The following TRIO variants were observed in gnomAD, a reference collection of about 807,000 sequenced individuals.
TRIO encodes triple functional domain protein.
A neutral mutation model predicts 351.9 loss-of-function variants in TRIO; 58 were observed. The observed-to-expected ratio is 0.16, with a 90% CI of 0.13 to 0.21. TRIO has a LOEUF of 0.21. TRIO is among the 10% of genes least tolerant of loss of function. The pLI is 1.00. For missense variants in TRIO, 3,201 were observed against 4,027.8 expected, an observed-to-expected ratio of 0.79 and a Z score of 5.56; for synonymous variants, 1,758 against 1,595.7, an observed-to-expected ratio of 1.10 and a Z score of -2.42.
chr5:14,418,991 T>C (rs1195637383), intron 33 of TRIO, among the ~76,000 whole-genome samples: 1 of 152,052 alleles, frequency 6.6e-6, no homozygotes, highest in Non-Finnish European at 1.5e-5. Flanking sequence ...TTAGAGAGTT[T>C]ATGGATGAGC....
At chr5:14,429,134 T>C (rs962289621) in intron 34 of TRIO, among the ~76,000 whole-genome samples, 1 of 152,234 alleles carries the variant, frequency 6.6e-6, no homozygotes, top group Non-Finnish European at 1.5e-5. Flanking sequence ...GCTTGCTGTT[T>C]TTCATTAAGT....
intron 33 of TRIO, among the ~76,000 whole-genome samples, chr5:14,412,825 A>C (rs143410350): frequency 2.4e-4 from 37 of 152,310 alleles, no homozygotes; most frequent in African/African-American, 8.4e-4. Context: ...TAGCATATAC[A>C]ACACACCTAA....
chr5:14,301,443 A>G (rs1737874746), intron 7 of TRIO, among the ~76,000 whole-genome samples: 1 of 152,034 alleles, frequency 6.6e-6, no homozygotes, highest in Non-Finnish European at 1.5e-5. Flanking sequence ...AGCATCAGAT[A>G]CTAAGACAGC....
At chr5:14,364,331 A>G (rs893030639) in intron 14 of TRIO, among the ~76,000 whole-genome samples, 1 of 152,204 alleles carries the variant, frequency 6.6e-6, no homozygotes, top group African/African-American at 2.4e-5. Flanking sequence ...ATTTTACACA[A>G]ATTAAATGCT....
chr5:14,350,027 C>T (rs1742910128), intron 11 of TRIO, among the ~76,000 whole-genome samples: 1 of 152,184 alleles, frequency 6.6e-6, no homozygotes, highest in Admixed American at 6.5e-5. Flanking sequence ...GCCTCCAGCT[C>T]TGTCTATGTT....
chr5:14,280,784 C>T (rs545181615), intron 3 of TRIO, among the ~76,000 whole-genome samples: 5 of 152,272 alleles, frequency 3.3e-5, no homozygotes, highest in Admixed American at 6.5e-5. Context: ...CTGCTTTTGA[C>T]AATGCATTTC....
chr5:14,349,614 C>T (rs1742849716), intron 11 of TRIO, among the ~76,000 whole-genome samples: 1 of 152,180 alleles, frequency 6.6e-6, no homozygotes, highest in Admixed American at 6.5e-5. Context: ...ACAAGATGAG[C>T]CCTTGAAGAA....
intron 8 of TRIO, among the ~76,000 whole-genome samples, chr5:14,305,518 C>T (rs1227674589): frequency 6.6e-6 from 1 of 152,206 alleles, no homozygotes; most frequent in Non-Finnish European, 1.5e-5. Flanking sequence ...AAGATTATCG[C>T]AAGGCTTCTG....
At chr5:14,339,948 A>C (rs1741786870) in intron 11 of TRIO, among the ~76,000 whole-genome samples, 1 of 152,242 alleles carries the variant, frequency 6.6e-6, no homozygotes, top group South Asian at 2.1e-4. Flanking sequence ...CTAGAAGAGG[A>C]AATCATGCTA....
chr5:14,403,349 CTTGTGAGGGTGCAGG>C lies in TRIO; in HGVS notation c.4716+2291_4716+2305del, dbSNP rs1561447681. Reference sequence around the variant, plus strand: ...GGTGTAGGTTGTGGTGAGGGTGCAGCTTGTGAGGGTGCAGGTTGTGGTGAGGGTGTAGGTTGTGAG... The same window carrying C: ...GGTGTAGGTTGTGGTGAGGGTGCAGCTTGTGGTGAGGGTGTAGGTTGTGAG... On this transcript the variant is annotated intron_variant, in intron 31 of 56. Transcript: ENST00000344204. Among the ~76,000 whole-genome samples the C allele has an allele frequency of 9.5e-3, 135 of 14,184 alleles. 10 individuals carry two copies. The highest frequency in any genetic ancestry group is 0.032 in the African/African-American group (48 of 1,522). 9.3% of individuals were successfully genotyped at this position (14,184 alleles called of 152,430 possible).
chr5:14,365,440 C>G (rs1287975152), intron 15 of TRIO, among the ~76,000 whole-genome samples: 1 of 152,100 alleles, frequency 6.6e-6, no homozygotes, highest in African/African-American at 2.4e-5. Context: ...TGCCTCTGGA[C>G]CATGAGCAGG....
intron 1 of TRIO, among the ~76,000 whole-genome samples, chr5:14,231,888 A>G (rs1362842762): frequency 6.7e-6 from 1 of 148,696 alleles, no homozygotes; most frequent in African/African-American, 2.5e-5. Context: ...ATCATAGGCC[A>G]TTTGAGGGGA....
At chr5:14,316,020 T>G (rs1481105694) in intron 8 of TRIO, among the ~76,000 whole-genome samples, 1 of 152,254 alleles carries the variant, frequency 6.6e-6, no homozygotes, top group African/African-American at 2.4e-5. Context: ...TGCCTAGTGC[T>G]AGATTGATTT....
In TRIO at chr5:14,270,797, A is replaced by G. The variant is rs1285054732; in HGVS notation, c.158-28A>G. On this transcript the variant is annotated intron_variant, in intron 1 of 56. Transcript: ENST00000344204. ...TTAACTGTCACTCTGGCAACCCAGT[A>G]ATTTTATTTTCTCCTTCTGTATTTC... is the stretch of plus-strand genomic sequence containing the variant. The G allele has an allele frequency of 3.1e-6, 5 of 1,592,450 alleles. No individual in the cohort carries two copies. In the African/African-American group the frequency reaches 4.0e-5, roughly 13 times the overall value.
At chr5:14,357,343 A>G (rs1743710143) in intron 11 of TRIO, among the ~76,000 whole-genome samples, 1 of 152,218 alleles carries the variant, frequency 6.6e-6, no homozygotes, top group African/African-American at 2.4e-5. Flanking sequence ...TCTACATACA[A>G]GCCACCAGGG....
chr5:14,323,691 C>CT (rs753675371), intron 9 of TRIO, among the ~76,000 whole-genome samples: 2 of 152,216 alleles, frequency 1.3e-5, no homozygotes, highest in African/African-American at 2.4e-5. Flanking sequence ...TGAGCTTGGC[C>CT]TCCGTGGGAG....
Position 14,330,831 on chromosome 5 carries a change from T to TGGGGAC in TRIO, c.1786_1787insGGGACG (p.Gly595_Val596insGlyAsp), listed in dbSNP as rs776258230. 1 of 1,613,742 alleles carries TGGGGAC rather than the reference T, an allele frequency of 6.2e-7. No individual in the cohort carries two copies. The highest frequency in any genetic ancestry group is 8.5e-7 in the Non-Finnish European group (1 of 1,179,816). ...AAGCATTTCTGAGCAAACATACAGG[T>TGGGGAC]GTGGGGAAATCTCTTCATCGGGCCA... On this transcript the variant is annotated inframe_insertion, in exon 10 of 57. Transcript: ENST00000344204.
intron 9 of TRIO, among the ~76,000 whole-genome samples, chr5:14,323,845 G>A (rs1355452374): frequency 6.6e-6 from 1 of 152,174 alleles, no homozygotes; most frequent in African/African-American, 2.4e-5. Context: ...TACTTTGTAG[G>A]TAAATTTCAT....
At chr5:14,273,416 CTTCA>C (rs1271559030) in intron 2 of TRIO, among the ~76,000 whole-genome samples, 4 of 152,182 alleles carry the variant, frequency 2.6e-5, no homozygotes, top group Non-Finnish European at 5.9e-5. Flanking sequence ...GTACTACTTC[CTTCA>C]TTTAGGATGA....
Sources: allele counts gnomAD v4.1 joint callset (sites outside exome capture counted in the v4.1 genomes callset), GRCh38; gene constraint gnomAD v4.1.1; transcripts MANE v1.5; gene names NCBI Gene and HGNC (gene_info 2026-07-23, HGNC 2026-07-21).